The following MEI4 variants were observed in gnomAD, a reference collection of about 807,000 sequenced individuals.
MEI4 encodes the protein meiotic double-stranded break formation protein 4.
Under a neutral mutation model 31.4 loss-of-function variants are expected in MEI4, and 27 were observed. That is an observed-to-expected ratio of 0.86 (90% CI 0.63 to 1.19). The LOEUF is 1.19. Among genes scored for constraint, MEI4 ranks in the 50% most tolerant of loss-of-function variants. The pLI, the probability that MEI4 is intolerant of heterozygous loss-of-function variation, is 0.00. For synonymous variants in MEI4, 122 were observed against 145.4 expected (o/e 0.84, Z 1.16); for missense variants, 329 against 398.9 (o/e 0.82, Z 1.49).
intron 4 of MEI4, among the ~76,000 whole-genome samples, chr6:77,893,626 C>T (rs984573016): frequency 6.6e-6 from 1 of 152,160 alleles, no homozygotes; most frequent in Non-Finnish European, 1.5e-5. Flanking sequence ...GACTTAGCCA[C>T]TAAGGAAGTG....
In MEI4 at chr6:77,735,892, C is replaced by T. The variant is rs1262465960; in HGVS notation, c.233-25238C>T. On this transcript the variant is annotated intron_variant, in intron 2 of 4. Coordinates refer to ENST00000684080, the MANE Select transcript of MEI4 (RefSeq NM_001322247.2). ...CTGCAGGTCTGTTGGAGTACCCGGC[C>T]GTGTGAGGTGTCAGTCTGCCCCTGC... is the stretch of plus-strand genomic sequence containing the variant. Among the ~76,000 whole-genome samples, 4 of 151,326 alleles carry T rather than the reference C, an allele frequency of 2.6e-5. No homozygotes were observed. The East Asian group carries it at 5.9e-4, about 22-fold the overall frequency.
At chr6:77,677,999 G>A (rs1768876107) in intron 1 of MEI4, among the ~76,000 whole-genome samples, 1 of 152,116 alleles carries the variant, frequency 6.6e-6, no homozygotes, top group African/African-American at 2.4e-5. Flanking sequence ...ATCTTTTACA[G>A]CAGGAGCTAC....
chr6:77,702,161 CTG>C (rs1420314838), intron 2 of MEI4, among the ~76,000 whole-genome samples: 1 of 152,188 alleles, frequency 6.6e-6, no homozygotes, highest in Non-Finnish European at 1.5e-5. Context: ...CTTCTGATGA[CTG>C]TTTTCCTGGT....
chr6:77,837,359 TA>T (rs1236948736), intron 4 of MEI4, among the ~76,000 whole-genome samples: 1 of 152,124 alleles, frequency 6.6e-6, no homozygotes, highest in Non-Finnish European at 1.5e-5. Context: ...TAGAACACGT[TA>T]AATTAACCAG....
At chr6:77,770,627 G>A (rs1043152475) in intron 3 of MEI4, among the ~76,000 whole-genome samples, 1 of 152,084 alleles carries the variant, frequency 6.6e-6, no homozygotes, top group East Asian at 1.9e-4. Flanking sequence ...AAATGAAACA[G>A]CAAGGTGCTG....
In MEI4 at chr6:77,829,062, G is replaced by A; in HGVS notation, c.900G>A (p.Gln300=). 8.1e-7 allele frequency: 1 copy of A among 1,231,592 alleles called. No individual in the cohort carries two copies. The highest frequency in any genetic ancestry group is 1.0e-6 in the Non-Finnish European group (1 of 987,648). The allele number at this position is 1,231,592 out of a possible 1,614,324, so 76.3% of individuals were successfully genotyped here. ...GFADDLGAIN[Q]EQASYDVSRY... is the part of the protein sequence containing the mutation. Reference sequence around the variant, plus strand: ...CTGATGATCTGGGAGCCATCAATCAGGTACACATAACTTGAAACTGTAGTT... The same window carrying A: ...CTGATGATCTGGGAGCCATCAATCAAGTACACATAACTTGAAACTGTAGTT... The change falls in exon 4 of 5, where the codon CAG becomes CAA. Residue 300 remains glutamine, a splice_region_variant and synonymous_variant. Coordinates refer to ENST00000684080, the MANE Select transcript of MEI4 (RefSeq NM_001322247.2).
At chr6:77,872,448 C>T (rs1027833513) in intron 4 of MEI4, among the ~76,000 whole-genome samples, 1 of 152,058 alleles carries the variant, frequency 6.6e-6, no homozygotes, top group East Asian at 1.9e-4. Context: ...TTAACAAAAC[C>T]CAGCCTCTAA....
chr6:77,755,896 A>C (rs1309464379), intron 2 of MEI4, among the ~76,000 whole-genome samples: 2 of 151,798 alleles, frequency 1.3e-5, no homozygotes, highest in Non-Finnish European at 2.9e-5. Context: ...AGATAGGTGC[A>C]ATAAATTGGA....
intron 4 of MEI4, among the ~76,000 whole-genome samples, chr6:77,833,696 G>A (rs780689576): frequency 5.9e-5 from 9 of 151,986 alleles, no homozygotes; most frequent in Non-Finnish European, 1.2e-4. Context: ...GTATACATGC[G>A]CCATGGTGGT....
chr6:77,735,192 T>C (rs1767150702), intron 2 of MEI4, among the ~76,000 whole-genome samples: 1 of 152,050 alleles, frequency 6.6e-6, no homozygotes, highest in African/African-American at 2.4e-5. Context: ...CCTTGCTAGA[T>C]TGGGGAAGTT....
intron 3 of MEI4, among the ~76,000 whole-genome samples, chr6:77,792,020 T>C (rs1233822799): frequency 6.6e-6 from 1 of 152,208 alleles, no homozygotes; most frequent in Non-Finnish European, 1.5e-5. Context: ...TTTAGCTTTC[T>C]AATGTAAGAG....
At chr6:77,839,984 A>G (rs1770318121) in intron 4 of MEI4, among the ~76,000 whole-genome samples, 1 of 152,196 alleles carries the variant, frequency 6.6e-6, no homozygotes, top group Admixed American at 6.6e-5. Flanking sequence ...TAAAATGACC[A>G]AGGACTTTAA....
intron 4 of MEI4, among the ~76,000 whole-genome samples, chr6:77,917,288 T>A (rs914834200): frequency 4.0e-5 from 6 of 150,508 alleles, no homozygotes; most frequent in Non-Finnish European, 8.9e-5. Flanking sequence ...ATATACCCAG[T>A]AATGGGATGG....
chr6:77,884,059 A>C (rs1771566029), intron 4 of MEI4, among the ~76,000 whole-genome samples: 1 of 152,022 alleles, frequency 6.6e-6, no homozygotes, highest in Non-Finnish European at 1.5e-5. Flanking sequence ...CCATTGTAAT[A>C]GTAAGATGAT....
chr6:77,758,649 T>G (rs1767969689), intron 2 of MEI4, among the ~76,000 whole-genome samples: 1 of 152,240 alleles, frequency 6.6e-6, no homozygotes. Flanking sequence ...TTCCTTCGGC[T>G]TAGAGAAAAG....
At chr6:77,815,228 G>T (rs1769662273) in intron 3 of MEI4, among the ~76,000 whole-genome samples, 1 of 151,944 alleles carries the variant, frequency 6.6e-6, no homozygotes, top group Non-Finnish European at 1.5e-5. Flanking sequence ...TCTTCTGAGG[G>T]TTATATTGCT....
At chr6:77,879,245 T>C (rs1333004619) in intron 4 of MEI4, among the ~76,000 whole-genome samples, 1 of 152,202 alleles carries the variant, frequency 6.6e-6, no homozygotes, top group Non-Finnish European at 1.5e-5. Context: ...TTATATGCTG[T>C]GAACATTGTG....
chr6:77,900,615 G>C (rs1282032816), intron 4 of MEI4, among the ~76,000 whole-genome samples: 1 of 151,950 alleles, frequency 6.6e-6, no homozygotes, highest in East Asian at 1.9e-4. Context: ...CATGGCATCT[G>C]TGATAGGTAC....
At chr6:77,660,644 G>A (rs1348067074) in intron 1 of MEI4, among the ~76,000 whole-genome samples, 1 of 152,028 alleles carries the variant, frequency 6.6e-6, no homozygotes, top group Non-Finnish European at 1.5e-5. Context: ...ATAGAATGAA[G>A]GGATGTATTA....
Sources: gnomAD v4.1 joint callset for allele counts (sites outside exome capture counted in the v4.1 genomes callset) on GRCh38, gnomAD v4.1.1 for gene constraint, MANE v1.5 for transcripts, NCBI Gene and HGNC (gene_info 2026-07-23, HGNC 2026-07-21) for gene names.